CFAP299: variants seen among roughly 807,000 people sequenced by gnomAD.
The protein encoded by CFAP299 is cilia and flagella associated protein 299.
CFAP299 carries 21 observed loss-of-function variants against 27.0 expected under a neutral mutation model. That is an observed-to-expected ratio of 0.78 (90% CI 0.55 to 1.12). The LOEUF (loss-of-function observed/expected upper bound fraction) is 1.12, where lower values mean the gene tolerates loss of function less well. Ranked by LOEUF, CFAP299 falls within the 50% of genes most tolerant of loss-of-function variation. The probability of loss-of-function intolerance (pLI) is 0.00; values close to 1 mark genes in which losing one functional copy is unlikely to be tolerated. For missense variants in CFAP299, 310 were observed against 276.6 expected (o/e 1.12, Z -0.86); for synonymous variants, 104 against 98.1 (o/e 1.06, Z -0.36).
intron 3 of CFAP299, among the ~76,000 whole-genome samples, chr4:80,665,989 G>A (rs1413942491): frequency 6.6e-6 from 1 of 152,026 alleles, no homozygotes; most frequent in Non-Finnish European, 1.5e-5. Context: ...AAACCACTAT[G>A]CTTTCTGTAC....
At chr4:80,485,605 CAA>C (rs1253590760) in intron 2 of CFAP299, among the ~76,000 whole-genome samples, 2 of 151,522 alleles carry the variant, frequency 1.3e-5, no homozygotes, top group African/African-American at 4.9e-5. Flanking sequence ...AATTATGTAA[CAA>C]AATGTATTTT....
intron 3 of CFAP299, among the ~76,000 whole-genome samples, chr4:80,597,119 T>G (rs1737096911): frequency 1.3e-5 from 2 of 152,168 alleles, no homozygotes; most frequent in South Asian, 4.1e-4. Flanking sequence ...GACCTATGTA[T>G]GTTCAGTTTT....
chr4:80,911,605 G>C (rs1735476566), intron 4 of CFAP299, among the ~76,000 whole-genome samples: 1 of 151,996 alleles, frequency 6.6e-6, no homozygotes, highest in Non-Finnish European at 1.5e-5. Context: ...AGAGTGTTAA[G>C]AAAAAATCTG....
chr4:80,810,627 T>A (rs1729101767), intron 3 of CFAP299, among the ~76,000 whole-genome samples: 1 of 151,880 alleles, frequency 6.6e-6, no homozygotes, highest in Non-Finnish European at 1.5e-5. Flanking sequence ...GCAACCAAGC[T>A]AGGATAAAAG....
chr4:80,706,760 C>T (rs1721843698), intron 3 of CFAP299, among the ~76,000 whole-genome samples: 4 of 151,908 alleles, frequency 2.6e-5, no homozygotes, highest in Middle Eastern at 3.4e-3. Context: ...ATTGAGTGGG[C>T]TTATGGTCAT....
rs1057332505 is a variant in CFAP299 at position 80,388,126 on chromosome 4, C to A, written c.242+25242C>A. 7.7e-5 allele frequency: 52 copies of A among 673,486 alleles called. No homozygotes were observed. In the African/African-American group the frequency reaches 8.6e-4, roughly 11 times the overall value. The allele number at this position is 673,486 out of a possible 1,614,324, so 41.7% of individuals were successfully genotyped here. Reference sequence around the variant, plus strand: ...CACCATTCCCACCAGGATTGGGATGCCCAGGGGGGCCCAGGCTGTGGGGTG... The same window carrying A: ...CACCATTCCCACCAGGATTGGGATGACCAGGGGGGCCCAGGCTGTGGGGTG... On this transcript the variant is annotated intron_variant, in intron 2 of 5. Transcript: ENST00000358105.
intron 4 of CFAP299, among the ~76,000 whole-genome samples, chr4:80,938,303 A>G (rs753956284): frequency 6.6e-6 from 1 of 152,176 alleles, no homozygotes; most frequent in Admixed American, 6.6e-5. Context: ...CCCACGCTTG[A>G]AGGTTGTGGG....
At chr4:80,509,909 T>C (rs1239929759) in intron 2 of CFAP299, among the ~76,000 whole-genome samples, 2 of 151,858 alleles carry the variant, frequency 1.3e-5, no homozygotes, top group African/African-American at 4.8e-5. Context: ...TTAGTTTTTC[T>C]CCTCCAAGAT....
intron 2 of CFAP299, among the ~76,000 whole-genome samples, chr4:80,385,228 C>T (rs1258501660): frequency 6.6e-6 from 1 of 152,132 alleles, no homozygotes; most frequent in Non-Finnish European, 1.5e-5. Context: ...ACACCTTCAC[C>T]AATGTCTCAT....
chr4:80,381,839 T>A (rs972231901), intron 2 of CFAP299, among the ~76,000 whole-genome samples: 5 of 152,204 alleles, frequency 3.3e-5, no homozygotes, highest in African/African-American at 1.2e-4. Flanking sequence ...TGCTGCCCGA[T>A]TATGCTTCTG....
intron 3 of CFAP299, among the ~76,000 whole-genome samples, chr4:80,789,729 G>A (rs142623126): frequency 3.7e-4 from 56 of 152,094 alleles, no homozygotes; most frequent in African/African-American, 1.3e-3. Flanking sequence ...GTCTTAGGAA[G>A]CTGTTTTGAG....
At chr4:80,585,136 G>C (rs928328381) in intron 3 of CFAP299, among the ~76,000 whole-genome samples, 1 of 152,010 alleles carries the variant, frequency 6.6e-6, no homozygotes, top group Admixed American at 6.6e-5. Flanking sequence ...AATGATTTGA[G>C]AGCTATTTAG....
intron 3 of CFAP299, among the ~76,000 whole-genome samples, chr4:80,618,223 A>C (rs760427466): frequency 1.8e-4 from 27 of 152,174 alleles, no homozygotes; most frequent in Non-Finnish European, 3.2e-4. Context: ...AAAAAATTAA[A>C]GGTAGAGCAA....
intron 2 of CFAP299, among the ~76,000 whole-genome samples, chr4:80,406,012 C>T (rs1314869758): frequency 1.3e-5 from 2 of 152,188 alleles, no homozygotes; most frequent in Non-Finnish European, 2.9e-5. Flanking sequence ...ACTGTATCTA[C>T]TCCTCAGGAT....
At chr4:80,693,036 G>T (rs533553912) in intron 3 of CFAP299, among the ~76,000 whole-genome samples, 1 of 152,258 alleles carries the variant, frequency 6.6e-6, no homozygotes, top group African/African-American at 2.4e-5. Flanking sequence ...TCATTAAAAA[G>T]TCAGGAAACA....
chr4:80,782,500 A>ATAT (rs1167335876), intron 3 of CFAP299, among the ~76,000 whole-genome samples: 1 of 146,634 alleles, frequency 6.8e-6, no homozygotes, highest in Non-Finnish European at 1.5e-5. Flanking sequence ...TACACAATAT[A>ATAT]TATTAATATA....
At chr4:80,957,231 C>G (rs1175580183) in intron 5 of CFAP299, among the ~76,000 whole-genome samples, 2 of 152,156 alleles carry the variant, frequency 1.3e-5, no homozygotes, top group East Asian at 3.9e-4. Context: ...AGTCCCATCT[C>G]TCCTGGGACC....
rs560754397 is a variant in CFAP299, at chr4:80,925,967, T to C, written c.477-18843T>C. On this transcript the variant is annotated intron_variant, in intron 4 of 5. Transcript: ENST00000358105. ...TATTACAGAACAGAACTTTAGTTTC[T>C]ACAGTAGATTATCCATTTGTTCCAG... 3.9e-5 allele frequency among the ~76,000 whole-genome samples: 6 copies of C among 152,222 alleles called. No homozygotes were observed. The East Asian group carries it at 1.2e-3, about 29-fold the overall frequency.
intron 3 of CFAP299, among the ~76,000 whole-genome samples, chr4:80,819,794 A>G (rs530532744): frequency 6.6e-6 from 1 of 152,290 alleles, no homozygotes; most frequent in African/African-American, 2.4e-5. Context: ...AAACAGTCTT[A>G]TATTAAGCTT....
Sources: gnomAD v4.1 joint callset for allele counts (sites outside exome capture counted in the v4.1 genomes callset) on GRCh38, gnomAD v4.1.1 for gene constraint, MANE v1.5 for transcripts, NCBI Gene and HGNC (gene_info 2026-07-23, HGNC 2026-07-21) for gene names.